Variants in ATP8A2 observed in about 807,000 individuals in gnomAD.
The protein encoded by ATP8A2 is phospholipid-transporting ATPase IB.
Under a neutral mutation model 165.6 loss-of-function variants are expected in ATP8A2, and 100 were observed. That is an observed-to-expected ratio of 0.60 (90% CI 0.51 to 0.71). The LOEUF is 0.71. Among genes scored for constraint, ATP8A2 ranks in the 30% least tolerant of loss-of-function variants. The probability of loss-of-function intolerance (pLI) is 0.00; values close to 1 mark genes in which losing one functional copy is unlikely to be tolerated. For synonymous variants in ATP8A2, 543 were observed against 548.8 expected (o/e 0.99, Z 0.15); for missense variants, 1,227 against 1,479.5 (o/e 0.83, Z 2.80).
At chr13:25,533,354 G>T in intron 6 of ATP8A2, 41 bp downstream of exon 6, 2 of 1,143,676 alleles carry the variant, frequency 1.7e-6, no homozygotes, top group Admixed American at 1.9e-5. Flanking sequence ...CTATTGGTTT[G>T]AAGACGCGTA....
At position 25,550,889 on chromosome 13, in the gene ATP8A2, C is replaced by G. The variant is rs564941971; in HGVS notation, c.892-449C>G. Among the ~76,000 whole-genome samples the G allele has an allele frequency of 5.3e-5, 8 of 152,250 alleles. 1 individual carries two copies. In the South Asian group the frequency reaches 1.7e-3, roughly 32 times the overall value. On this transcript the variant is annotated intron_variant, in intron 10 of 36. Coordinates refer to ENST00000381655, the MANE Select transcript of ATP8A2 (RefSeq NM_016529.6). ...TGAGCTCCGGGAGGAAAAATATGTG[C>G]TTTAGAAATATCTCTGTGTATTTAT...
chr13:25,829,719 T>TATATA (rs1555273748), intron 28 of ATP8A2, among the ~76,000 whole-genome samples: 11 of 109,834 alleles, frequency 1.0e-4, no homozygotes, highest in Admixed American at 3.8e-4. Flanking sequence ...TATATATATA[T>TATATA]ATCACCTGCT....
At chr13:25,516,214 T>C (rs1027719245) in intron 2 of ATP8A2, among the ~76,000 whole-genome samples, 4 of 152,182 alleles carry the variant, frequency 2.6e-5, no homozygotes, top group African/African-American at 9.7e-5. Flanking sequence ...ATGTTGTAGT[T>C]CCTGAACCCT....
intron 28 of ATP8A2, among the ~76,000 whole-genome samples, 196 bp downstream of exon 28, chr13:25,828,388 A>G (rs1299503200): frequency 1.3e-5 from 2 of 152,206 alleles, no homozygotes; most frequent in Non-Finnish European, 2.9e-5. Flanking sequence ...GGTTTCAATC[A>G]TAGCAGATCA....
chr13:25,459,187 T>G (rs1426031674), intron 1 of ATP8A2, among the ~76,000 whole-genome samples: 2 of 152,204 alleles, frequency 1.3e-5, no homozygotes, highest in Admixed American at 1.3e-4. Context: ...ATTTGGGAGC[T>G]AAAGCATCCT....
At chr13:25,393,933 A>T (rs1329955154) in intron 1 of ATP8A2, among the ~76,000 whole-genome samples, 1 of 152,220 alleles carries the variant, frequency 6.6e-6, no homozygotes, top group African/African-American at 2.4e-5. Context: ...TCTTGGGAAA[A>T]CTATGAAACT....
intron 23 of ATP8A2, among the ~76,000 whole-genome samples, chr13:25,583,578 G>T (rs1043355367): frequency 6.6e-6 from 1 of 151,996 alleles, no homozygotes; most frequent in Non-Finnish European, 1.5e-5. Flanking sequence ...CATCCACACC[G>T]CCCGGCCCCT....
In ATP8A2 at chr13:25,769,249, A is replaced by G. The variant is rs761437238; in HGVS notation, c.2568+20A>G. 2.7e-5 allele frequency: 43 copies of G among 1,597,858 alleles called. No individual in the cohort carries two copies. In the South Asian group the frequency reaches 4.8e-4, roughly 18 times the overall value. On this transcript the variant is annotated intron_variant, in intron 26 of 36. Coordinates refer to ENST00000381655, the MANE Select transcript of ATP8A2 (RefSeq NM_016529.6). ...GCACAGGTCAGCAGCTTGGGCGTCCAGCTGCCCTGTCCTGTTGAGAGATGA... is the reference window on the plus strand; with the variant it reads ...GCACAGGTCAGCAGCTTGGGCGTCCGGCTGCCCTGTCCTGTTGAGAGATGA...
intron 16 of ATP8A2, among the ~76,000 whole-genome samples, chr13:25,570,537 A>G (rs2039436674): frequency 6.6e-6 from 1 of 152,194 alleles, no homozygotes; most frequent in Non-Finnish European, 1.5e-5. Flanking sequence ...GCTAAAGCGC[A>G]GGAGCTGCAT....
chr13:25,948,555 C>A (rs1955269747), intron 33 of ATP8A2, among the ~76,000 whole-genome samples: 1 of 152,158 alleles, frequency 6.6e-6, no homozygotes, highest in Admixed American at 6.5e-5. Flanking sequence ...CTGAATGTGT[C>A]TTGCTTCAAA....
At chr13:25,397,414 C>T (rs1388225921) in intron 1 of ATP8A2, among the ~76,000 whole-genome samples, 5 of 152,256 alleles carry the variant, frequency 3.3e-5, no homozygotes, top group African/African-American at 1.2e-4. Flanking sequence ...TTCAGCCTGC[C>T]TACTCTGCTG....
chr13:25,535,249 T>C (rs989358372), intron 6 of ATP8A2, among the ~76,000 whole-genome samples: 1 of 152,170 alleles, frequency 6.6e-6, no homozygotes, highest in Non-Finnish European at 1.5e-5. Context: ...GTCCCCAAAA[T>C]GATAATAATC....
At chr13:25,760,641 A>G (rs2044362379) in intron 25 of ATP8A2, among the ~76,000 whole-genome samples, 1 of 152,204 alleles carries the variant, frequency 6.6e-6, no homozygotes, top group African/African-American at 2.4e-5. Flanking sequence ...ATTAAAATTA[A>G]ACTTCCTATC....
At chr13:25,765,251 T>C (rs1219641174) in intron 25 of ATP8A2, among the ~76,000 whole-genome samples, 1 of 152,242 alleles carries the variant, frequency 6.6e-6, no homozygotes, top group Non-Finnish European at 1.5e-5. Flanking sequence ...TTGGTTTATA[T>C]TTCTATTCAT....
At chr13:25,417,843 T>G (rs922006331) in intron 1 of ATP8A2, among the ~76,000 whole-genome samples, 1 of 152,216 alleles carries the variant, frequency 6.6e-6, no homozygotes, top group African/African-American at 2.4e-5. Flanking sequence ...CTCAAGTCAG[T>G]ATTAAAATCT....
intron 1 of ATP8A2, among the ~76,000 whole-genome samples, chr13:25,388,341 A>C (rs760686659): frequency 3.9e-5 from 6 of 152,178 alleles, no homozygotes; most frequent in Non-Finnish European, 5.9e-5. Context: ...AGCCGCAGAC[A>C]AAACCCCTCA....
At chr13:25,610,074 C>T (rs986710562) in intron 24 of ATP8A2, among the ~76,000 whole-genome samples, 3 of 152,022 alleles carry the variant, frequency 2.0e-5, no homozygotes, top group African/African-American at 7.2e-5. Context: ...TGTGTGTTTA[C>T]TCTACTAATT....
intron 35 of ATP8A2, among the ~76,000 whole-genome samples, chr13:25,979,725 A>G (rs1459972123): frequency 1.3e-5 from 2 of 152,302 alleles, no homozygotes; most frequent in East Asian, 3.9e-4. Context: ...GGGAATTCCT[A>G]TTGCTTTAGA....
chr13:25,846,110 G>A (rs1170830182), intron 30 of ATP8A2, among the ~76,000 whole-genome samples: 1 of 152,214 alleles, frequency 6.6e-6, no homozygotes, highest in Non-Finnish European at 1.5e-5. Context: ...GGGAGGCAGA[G>A]GTTGCAGTGA....
Sources: gnomAD v4.1 joint callset for allele counts (sites outside exome capture counted in the v4.1 genomes callset) on GRCh38, gnomAD v4.1.1 for gene constraint, MANE v1.5 for transcripts, NCBI Gene and HGNC (gene_info 2026-07-23, HGNC 2026-07-21) for gene names.